YAF2: variants seen among roughly 807,000 people sequenced by gnomAD.
The protein encoded by YAF2 is YY1 associated factor 2, also known as YY1-associated factor 2.
In YAF2, 7 loss-of-function variants were observed where a neutral mutation model predicts 20.1. The ratio of observed to expected loss-of-function variants is 0.35; its 90% CI spans 0.20 to 0.65. The LOEUF is 0.65. YAF2 is among the 30% of genes least tolerant of loss of function. The pLI, the probability that YAF2 is intolerant of heterozygous loss-of-function variation, is 0.69. For synonymous variants in YAF2, 74 were observed against 76.0 expected, an observed-to-expected ratio of 0.97 and a Z score of 0.14; for missense variants, 151 against 219.2, an observed-to-expected ratio of 0.69 and a Z score of 1.96.
At position 42,158,576 on chromosome 12, in the gene YAF2, G is replaced by A. The variant is rs1484248123; in HGVS notation, c.*2013C>T. The A allele has an allele frequency of 6.6e-6, 1 of 152,154 alleles. No homozygotes were observed. The highest frequency in any genetic ancestry group is 1.5e-5 in the Non-Finnish European group (1 of 68,018). 9.4% of individuals were successfully genotyped at this position (152,154 alleles called of 1,614,324 possible). A position where few individuals can be genotyped will look rare whatever the true frequency, so the allele number is the denominator to read the frequency against. On this transcript the variant is annotated 3_prime_UTR_variant, in exon 4 of 4. Transcript: ENST00000534854. ...TTTTATAGATGGAAAGTAAGCTTGG[G>A]TAATTTAAGCTCATTTCCATTCTAC...
At chr12:42,217,383 G>C (rs61940229) in intron 2 of YAF2, among the ~76,000 whole-genome samples, 1 of 152,018 alleles carries the variant, frequency 6.6e-6, no homozygotes, top group Non-Finnish European at 1.5e-5. Flanking sequence ...CATAAATATA[G>C]GTGGGGAGAC....
chr12:42,190,821 A>C (rs544685185), intron 2 of YAF2, among the ~76,000 whole-genome samples: 2 of 152,066 alleles, frequency 1.3e-5, no homozygotes, highest in South Asian at 2.1e-4. Context: ...TGGGATTTGG[A>C]AAGGTTTGGT....
chr12:42,231,877 AT>A (rs1202449203), intron 2 of YAF2: 1 of 152,194 alleles, frequency 6.6e-6, no homozygotes, highest in Non-Finnish European at 1.5e-5. Flanking sequence ...GAAGTGATAT[AT>A]TTTTTGAATA....
At chr12:42,187,085 T>C (rs1311076755) in intron 2 of YAF2, among the ~76,000 whole-genome samples, 2 of 152,210 alleles carry the variant, frequency 1.3e-5, no homozygotes, top group African/African-American at 4.8e-5. Flanking sequence ...ATTTGGTTTA[T>C]TATGAATAAT....
rs2067526072 is a variant in YAF2, at chr12:42,221,858, T to C, written c.152+15741A>G. On this transcript the variant is annotated intron_variant, in intron 2 of 3. Coordinates refer to ENST00000534854, the MANE Select transcript of YAF2 (RefSeq NM_005748.6). Reference sequence around the variant, plus strand: ...TTCAAAAGTTTAATACAAGCCTCTCTACTTACAATCTCTCAAGATCTTCCC... The same window carrying C: ...TTCAAAAGTTTAATACAAGCCTCTCCACTTACAATCTCTCAAGATCTTCCC... 1.3e-5 allele frequency among the ~76,000 whole-genome samples: 2 copies of C among 152,226 alleles called. 1 individual carries two copies. Among genetic ancestry groups the C allele is most frequent in the South Asian group, 4.1e-4 (2 of 4,834 alleles).
intron 2 of YAF2, among the ~76,000 whole-genome samples, chr12:42,226,480 A>G (rs1025580200): frequency 6.6e-6 from 1 of 152,100 alleles, no homozygotes; most frequent in African/African-American, 2.4e-5. Context: ...TGGGCAACAT[A>G]GGGAGACACC....
intron 2 of YAF2, among the ~76,000 whole-genome samples, chr12:42,227,852 T>G (rs965890552): frequency 1.1e-5 from 1 of 94,830 alleles, no homozygotes; most frequent in Non-Finnish European, 2.1e-5. Context: ...GGTGGGGGGG[T>G]CAGCCCCCCG....
intron 2 of YAF2, among the ~76,000 whole-genome samples, chr12:42,236,368 T>C (rs1222209832): frequency 6.6e-6 from 1 of 152,240 alleles, no homozygotes; most frequent in Non-Finnish European, 1.5e-5. Context: ...CCCTTAAATT[T>C]AGCATACGTT....
At chr12:42,175,644 A>C (rs1237845392) in intron 2 of YAF2, among the ~76,000 whole-genome samples, 1 of 141,520 alleles carries the variant, frequency 7.1e-6, no homozygotes, top group East Asian at 2.3e-4. Flanking sequence ...TGGGAGGCCG[A>C]GGTGGGCAGA....
chr12:42,180,678 G>A (rs2066319595), intron 2 of YAF2, among the ~76,000 whole-genome samples: 1 of 152,216 alleles, frequency 6.6e-6, no homozygotes, highest in Non-Finnish European at 1.5e-5. Context: ...CCAGGCACAG[G>A]TGGCTCACGC....
intron 2 of YAF2, among the ~76,000 whole-genome samples, chr12:42,213,605 T>C (rs984612935): frequency 2.0e-5 from 3 of 152,232 alleles, no homozygotes; most frequent in Non-Finnish European, 4.4e-5. Flanking sequence ...GGGAAAGTCA[T>C]CCTTTTTTAT....
intron 2 of YAF2, among the ~76,000 whole-genome samples, chr12:42,209,794 A>T (rs986488794): frequency 7.9e-5 from 12 of 152,198 alleles, no homozygotes; most frequent in African/African-American, 2.9e-4. Context: ...AAAGCCAGTA[A>T]ATGCATAATT....
intron 2 of YAF2, chr12:42,199,259 G>A (rs1433148136): frequency 8.1e-7 from 1 of 1,239,638 alleles, no homozygotes; most frequent in African/African-American, 1.5e-5. Context: ...TACAGAGTAA[G>A]AAAGAAACAC....
At chr12:42,180,150 T>A (rs2066306423) in intron 2 of YAF2, among the ~76,000 whole-genome samples, 1 of 152,182 alleles carries the variant, frequency 6.6e-6, no homozygotes, top group Admixed American at 6.5e-5. Flanking sequence ...CATGCCCTTA[T>A]CCAAACCCCT....
intron 2 of YAF2, among the ~76,000 whole-genome samples, chr12:42,173,649 C>G (rs906556359): frequency 1.3e-5 from 2 of 152,148 alleles, no homozygotes; most frequent in Non-Finnish European, 2.9e-5. Flanking sequence ...ACTACTCTAG[C>G]TTAACCCAAC....
intron 2 of YAF2, among the ~76,000 whole-genome samples, chr12:42,166,158 C>T (rs1212223533): frequency 6.6e-6 from 1 of 152,214 alleles, no homozygotes; most frequent in African/African-American, 2.4e-5. Flanking sequence ...GGTGATCCGC[C>T]TGTCTTGGCC....
intron 2 of YAF2, among the ~76,000 whole-genome samples, chr12:42,209,456 C>G (rs933722708): frequency 6.7e-5 from 10 of 148,962 alleles, no homozygotes; most frequent in Admixed American, 2.8e-4. Context: ...CCCAGCTACT[C>G]AGGAGGCTGA....
intron 2 of YAF2, chr12:42,232,848 T>C (rs371040867): frequency 1.0e-6 from 1 of 984,932 alleles, no homozygotes; most frequent in African/African-American, 1.7e-5. Flanking sequence ...TACCTAACCA[T>C]AATAATAATA....
chr12:42,199,131 C>T, intron 2 of YAF2: 1 of 1,282,780 alleles, frequency 7.8e-7, no homozygotes, highest in South Asian at 1.2e-5. Flanking sequence ...ACAGTGACAG[C>T]TTACCAGACT....
Sources: gnomAD v4.1 joint callset for allele counts (sites outside exome capture counted in the v4.1 genomes callset) on GRCh38, gnomAD v4.1.1 for gene constraint, MANE v1.5 for transcripts, NCBI Gene and HGNC (gene_info 2026-07-23, HGNC 2026-07-21) for gene names.